Variants in LTBP1 observed in about 807,000 individuals in gnomAD.
LTBP1 encodes the protein latent transforming growth factor beta binding protein 1.
A neutral mutation model predicts 207.6 loss-of-function variants in LTBP1; 129 were observed. The ratio of observed to expected loss-of-function variants is 0.62; its 90% CI spans 0.54 to 0.72. The LOEUF is 0.72. Among genes scored for constraint, LTBP1 ranks in the 30% least tolerant of loss-of-function variants. The pLI is 0.00. For missense variants in LTBP1, 2,281 were observed against 2,217.2 expected, an observed-to-expected ratio of 1.03 and a Z score of -0.58; for synonymous variants, 963 against 833.7, an observed-to-expected ratio of 1.16 and a Z score of -2.67.
intron 31 of LTBP1, among the ~76,000 whole-genome samples, chr2:33,379,560 A>G (rs965059005): frequency 1.3e-5 from 2 of 152,216 alleles, no homozygotes; most frequent in Admixed American, 6.5e-5. Context: ...CCCCTTCCAA[A>G]GAAATCACTG....
At chr2:33,277,893 G>T (rs1480307546) in intron 18 of LTBP1, among the ~76,000 whole-genome samples, 10 of 141,314 alleles carry the variant, frequency 7.1e-5, no homozygotes, top group East Asian at 2.1e-4. Flanking sequence ...GCAGTGGTGC[G>T]ATCTCAGCTC....
intron 2 of LTBP1, among the ~76,000 whole-genome samples, chr2:32,972,689 C>T (rs1035378800): frequency 6.6e-6 from 1 of 152,096 alleles, no homozygotes; most frequent in African/African-American, 2.4e-5. Flanking sequence ...TGGTTTCTCC[C>T]ATGCTGTTCT....
intron 5 of LTBP1, among the ~76,000 whole-genome samples, chr2:33,143,007 G>A (rs1404682164): frequency 1.3e-5 from 2 of 152,158 alleles, no homozygotes; most frequent in African/African-American, 2.4e-5. Flanking sequence ...CTGGCTCCAC[G>A]GCATTCACTT....
intron 3 of LTBP1, among the ~76,000 whole-genome samples, chr2:33,043,265 C>T (rs952463822): frequency 1.3e-5 from 2 of 152,070 alleles, no homozygotes; most frequent in African/African-American, 4.8e-5. Flanking sequence ...TTGTATATAA[C>T]AGCTTTGATT....
At chr2:33,146,903 G>T (rs1312533366) in intron 5 of LTBP1, among the ~76,000 whole-genome samples, 1 of 152,146 alleles carries the variant, frequency 6.6e-6, no homozygotes, top group African/African-American at 2.4e-5. Flanking sequence ...ATGAGATTTG[G>T]GTGGGAACAC....
intron 5 of LTBP1, among the ~76,000 whole-genome samples, chr2:33,175,002 T>C (rs1558754547): frequency 6.6e-6 from 1 of 152,124 alleles, no homozygotes; most frequent in Non-Finnish European, 1.5e-5. Context: ...ATACAAAAAT[T>C]AATTCAAGAT....
intron 19 of LTBP1, chr2:33,291,379 A>G (rs2093771723): frequency 6.6e-6 from 1 of 152,232 alleles, no homozygotes; most frequent in Non-Finnish European, 1.5e-5. Context: ...AGCAATCCAT[A>G]CATTTCTGAG....
intron 3 of LTBP1, among the ~76,000 whole-genome samples, chr2:33,044,654 T>C (rs2076356623): frequency 6.6e-6 from 1 of 152,196 alleles, no homozygotes; most frequent in South Asian, 2.1e-4. Flanking sequence ...GGTCAAATGG[T>C]AATTCTGGTT....
In LTBP1 at chr2:33,134,562, G is replaced by C; in HGVS notation, c.1034-231G>C. 6.5e-7 allele frequency: 1 copy of C among 1,531,716 alleles called. No homozygotes were observed. Among genetic ancestry groups the C allele is most frequent in the South Asian group, 1.2e-5 (1 of 83,002 alleles). The allele number at this position is 1,531,716 out of a possible 1,614,324, so 94.9% of individuals were successfully genotyped here. A position where few individuals can be genotyped will look rare whatever the true frequency, so the allele number is the denominator to read the frequency against. On this transcript the variant is annotated intron_variant, in intron 4 of 33. Transcript: ENST00000404816. This position sits in a 1 kb window ranked among gnomAD's most constrained non-coding sequence, Gnocchi z 4.4. Reference sequence around the variant, plus strand: ...AAATGTGGTTTTGGAGTGCATCCCAGAGTTCTGTTTGCTAAGCTTCCTACT... The same window carrying C: ...AAATGTGGTTTTGGAGTGCATCCCACAGTTCTGTTTGCTAAGCTTCCTACT...
chr2:32,952,241 CTT>C (rs1572786559), intron 2 of LTBP1, among the ~76,000 whole-genome samples: 1 of 152,234 alleles, frequency 6.6e-6, no homozygotes, highest in East Asian at 1.9e-4. Flanking sequence ...TTTAGTGAAC[CTT>C]AAATTGCAAA....
chr2:33,116,168 T>G (rs1157143489), intron 4 of LTBP1, among the ~76,000 whole-genome samples: 1 of 152,216 alleles, frequency 6.6e-6, no homozygotes, highest in Non-Finnish European at 1.5e-5. Context: ...ACTAAAAGAT[T>G]AGCGAAGCTC....
intron 5 of LTBP1, among the ~76,000 whole-genome samples, chr2:33,138,562 C>G (rs1198980165): frequency 6.6e-6 from 1 of 151,728 alleles, no homozygotes; most frequent in Non-Finnish European, 1.5e-5. Flanking sequence ...TTAAAGGATT[C>G]TTAACATTTT....
chr2:32,970,086 A>G (rs1024682419), intron 2 of LTBP1, among the ~76,000 whole-genome samples: 4 of 152,092 alleles, frequency 2.6e-5, no homozygotes, highest in Non-Finnish European at 2.9e-5. Context: ...ATGTCTGTTC[A>G]TTTCCTTTGC....
intron 3 of LTBP1, among the ~76,000 whole-genome samples, chr2:33,104,407 C>A (rs966595342): frequency 6.6e-6 from 1 of 152,174 alleles, no homozygotes; most frequent in Non-Finnish European, 1.5e-5. Flanking sequence ...TTGGCTCCTA[C>A]CATTCCTAAC....
intron 7 of LTBP1, among the ~76,000 whole-genome samples, chr2:33,201,298 TA>T (rs949968636): frequency 6.6e-5 from 10 of 152,202 alleles, no homozygotes; most frequent in African/African-American, 2.4e-4. Flanking sequence ...TATGCAGCCA[TA>T]AAAAATGATG....
At chr2:33,087,798 C>T (rs902448425) in intron 3 of LTBP1, among the ~76,000 whole-genome samples, 1 of 152,198 alleles carries the variant, frequency 6.6e-6, no homozygotes. Flanking sequence ...CTCGAGTTTT[C>T]GGAAATGGAA....
chr2:33,056,428 C>T (rs2077002907), intron 3 of LTBP1: 1 of 1,021,994 alleles, frequency 9.8e-7, no homozygotes, highest in Non-Finnish European at 1.4e-6. Flanking sequence ...GTGACTTTGC[C>T]CAGCAGCTTG....
At chr2:33,197,063 C>T (rs993890163) in intron 7 of LTBP1, among the ~76,000 whole-genome samples, 2 of 152,116 alleles carry the variant, frequency 1.3e-5, no homozygotes, top group Non-Finnish European at 2.9e-5. Context: ...TAAAAAGTTA[C>T]GTTTAGTATT....
chr2:33,248,149 C>A, intron 10 of LTBP1, among the ~76,000 whole-genome samples: 1 of 152,232 alleles, frequency 6.6e-6, no homozygotes, highest in East Asian at 1.9e-4. Flanking sequence ...CAGATCTGTA[C>A]AAGCTGCTTG....
Sources: gnomAD v4.1 joint callset for allele counts (sites outside exome capture counted in the v4.1 genomes callset) on GRCh38, gnomAD v4.1.1 for gene constraint, Gnocchi (gnomAD v3.1) non-coding constraint, MANE v1.5 for transcripts, NCBI Gene and HGNC (gene_info 2026-07-23, HGNC 2026-07-21) for gene names.